Variants in LY75 observed in about 807,000 individuals in gnomAD.
The protein encoded by LY75 is lymphocyte antigen 75.
Under a neutral mutation model 231.7 loss-of-function variants are expected in LY75, and 185 were observed. That is an observed-to-expected ratio of 0.80 (90% CI 0.71 to 0.90). The LOEUF (loss-of-function observed/expected upper bound fraction) is 0.90, where lower values mean the gene tolerates loss of function less well. LY75 is among the 40% of genes least tolerant of loss of function. The pLI is 0.00. For missense variants in LY75, 1,947 were observed against 2,050.2 expected, an observed-to-expected ratio of 0.95 and a Z score of 0.97; for synonymous variants, 668 against 689.0, an observed-to-expected ratio of 0.97 and a Z score of 0.48.
intron 13 of LY75, among the ~76,000 whole-genome samples, chr2:159,869,289 A>T (rs1280890689): frequency 6.6e-6 from 1 of 151,778 alleles, no homozygotes; most frequent in East Asian, 1.9e-4. Context: ...CCTAGAACTT[A>T]AAGTATAATA....
At chr2:159,807,554 G>T in intron 33 of LY75, 1 of 839,116 alleles carries the variant, frequency 1.2e-6, no homozygotes, top group Non-Finnish European at 1.4e-6. Context: ...GGTGGAAGAG[G>T]AAGGGTGCAG....
chr2:159,849,931 C>T (rs181679580), intron 23 of LY75, 49 bp downstream of exon 23: 77 of 1,573,260 alleles, frequency 4.9e-5, no homozygotes, highest in Non-Finnish European at 6.5e-5. Context: ...ATGAAAGACT[C>T]AAGTATTTCA....
intron 28 of LY75, among the ~76,000 whole-genome samples, chr2:159,830,682 C>T (rs1294373691): frequency 6.6e-6 from 1 of 151,482 alleles, no homozygotes; most frequent in Non-Finnish European, 1.5e-5. Flanking sequence ...CTCTGCCTCC[C>T]GGGTTCAAGT....
intron 28 of LY75, among the ~76,000 whole-genome samples, chr2:159,827,366 C>T (rs964802138): frequency 1.3e-5 from 2 of 152,180 alleles, no homozygotes; most frequent in African/African-American, 2.4e-5. Context: ...AAATGCTCAT[C>T]ATCACTCGTC....
Position 159,872,448 on chromosome 2 carries a change from T to G in LY75, c.2117+3A>C. 2 of 1,613,278 alleles carry G rather than the reference T, an allele frequency of 1.2e-6. No homozygotes were observed. Among genetic ancestry groups the G allele is most frequent in the African/African-American group, 2.7e-5 (2 of 74,964 alleles). On this transcript the variant is annotated splice_donor_region_variant and intron_variant, in intron 13 of 34. Transcript: ENST00000263636. Reference sequence around the variant, plus strand: ...ATAGAAATTCTCATTCTTAAAGTATTACCTGAACTGGTCCGTTAAAAAGTG... The same window carrying G: ...ATAGAAATTCTCATTCTTAAAGTATGACCTGAACTGGTCCGTTAAAAAGTG...
chr2:159,810,121 C>T (rs941675486), intron 32 of LY75, among the ~76,000 whole-genome samples: 4 of 152,112 alleles, frequency 2.6e-5, no homozygotes, highest in Non-Finnish European at 5.9e-5. Context: ...GCAACCTCCG[C>T]CTCCTGGGTT....
intron 34 of LY75, among the ~76,000 whole-genome samples, chr2:159,806,696 T>G (rs1465352971): frequency 1.3e-5 from 2 of 152,192 alleles, no homozygotes; most frequent in Admixed American, 1.3e-4. Flanking sequence ...AAGAACATTT[T>G]AAAAGAAATT....
intron 5 of LY75, among the ~76,000 whole-genome samples, 191 bp from the exon 6 acceptor site, chr2:159,885,484 T>C (rs1685556410): frequency 6.6e-6 from 1 of 152,190 alleles, no homozygotes; most frequent in Non-Finnish European, 1.5e-5. Context: ...TTCTAAAATA[T>C]AGAATCTAAA....
Position 159,898,742 on chromosome 2 carries a change from CA to C in LY75, c.411del (p.Asp138MetfsTer37). 1 of 1,614,166 alleles carries C rather than the reference CA, an allele frequency of 6.2e-7. No individual in the cohort carries two copies. The highest frequency in any genetic ancestry group is 8.5e-7 in the Non-Finnish European group (1 of 1,179,970). On this transcript the variant is annotated frameshift_variant, in exon 2 of 35. Transcript: ENST00000263636. LOFTEE classifies it high-confidence loss of function. Reference protein sequence around the residue: ...DGHGTAISNASDVWKKGGSEE... With the variant: ...DGHGTAISNAXDVWKKGGSEE... ...TCTGAGCCTCCTTTCTTCCAGACAT[CA>C]GATGCATTTGAGATTGCTGTGCCAT...
intron 33 of LY75, 100 bp from the exon 34 acceptor site, chr2:159,807,240 G>A: frequency 7.7e-7 from 1 of 1,296,234 alleles, no homozygotes; most frequent in Non-Finnish European, 1.0e-6. Context: ...TGTCCAATAT[G>A]AGAGCCACTT....
intron 30 of LY75, 86 bp from the exon 31 acceptor site, chr2:159,815,659 T>C (rs1683102291): frequency 1.4e-6 from 2 of 1,450,976 alleles, no homozygotes; most frequent in South Asian, 1.3e-5. Flanking sequence ...CTTTAAGAAA[T>C]ATTATAATGG....
intron 3 of LY75, among the ~76,000 whole-genome samples, chr2:159,892,272 A>T (rs1193005307): frequency 6.6e-6 from 1 of 152,238 alleles, no homozygotes; most frequent in African/African-American, 2.4e-5. Flanking sequence ...ACATTCCCGA[A>T]GGAGGGATCA....
At chr2:159,859,813 A>T (rs1480986620) in intron 15 of LY75, among the ~76,000 whole-genome samples, 3 of 152,212 alleles carry the variant, frequency 2.0e-5, no homozygotes, top group Non-Finnish European at 4.4e-5. Flanking sequence ...GTGCTATGTG[A>T]CATATGTGAC....
At chr2:159,882,939 G>C (rs1685479314) in intron 6 of LY75, among the ~76,000 whole-genome samples, 2 of 152,008 alleles carry the variant, frequency 1.3e-5, no homozygotes, top group South Asian at 4.1e-4. Context: ...TTTTGACCAT[G>C]AGAAAGCTCA....
chr2:159,861,483 C>T (rs528890564), intron 14 of LY75, among the ~76,000 whole-genome samples: 10 of 152,324 alleles, frequency 6.6e-5, no homozygotes, highest in African/African-American at 2.4e-4. Flanking sequence ...CACAGTGACT[C>T]ATGCTGGTAA....
rs10671183 is a variant in LY75, at chr2:159,840,005, C to CAAAAA, written c.3507+719_3507+723dup. 2.5e-4 allele frequency among the ~76,000 whole-genome samples: 15 copies of CAAAAA among 58,910 alleles called. 1 individual carries two copies. Among genetic ancestry groups the CAAAAA allele is most frequent in the East Asian group, 1.3e-3 (3 of 2,388 alleles). The allele number at this position is 58,910 out of a possible 152,430, so 38.6% of individuals were successfully genotyped here. On this transcript the variant is annotated intron_variant, in intron 25 of 34. Transcript: ENST00000263636. ...TGGGTGACAGAACAAGAACCTGTCT[C>CAAAAA]AAAAAAAAAAAAAAGAAAAAGAAAA... is the stretch of plus-strand genomic sequence containing the variant.
chr2:159,866,302 A>C (rs1269309543), intron 13 of LY75, among the ~76,000 whole-genome samples: 1 of 152,170 alleles, frequency 6.6e-6, no homozygotes, highest in Non-Finnish European at 1.5e-5. Flanking sequence ...TTAATAAATA[A>C]TTGCTTTTCT....
chr2:159,810,776 T>A, intron 31 of LY75, 101 bp from the exon 32 acceptor site: 1 of 1,522,784 alleles, frequency 6.6e-7, no homozygotes. Context: ...GCGTTTGTGG[T>A]TGAGTAGCAT....
At chr2:159,864,298 C>CA (rs2125862714) in intron 14 of LY75, among the ~76,000 whole-genome samples, 1 of 152,034 alleles carries the variant, frequency 6.6e-6, no homozygotes, top group East Asian at 1.9e-4. Flanking sequence ...AGTTCGTATC[C>CA]AAAAAAATCC....
Sources: allele counts gnomAD v4.1 joint callset (sites outside exome capture counted in the v4.1 genomes callset), GRCh38; gene constraint gnomAD v4.1.1; transcripts MANE v1.5; gene names NCBI Gene and HGNC (gene_info 2026-07-23, HGNC 2026-07-21).